Variants in FAM174B observed in about 807,000 individuals in gnomAD.
FAM174B encodes the protein family with sequence similarity 174 member B.
In FAM174B, 12 loss-of-function variants were observed where a neutral mutation model predicts 10.9. That is an observed-to-expected ratio of 1.10 (90% CI 0.71 to 1.79). The LOEUF is 1.79. Ranked by LOEUF, FAM174B falls within the 40% of genes most tolerant of loss-of-function variation. The pLI is 0.00. For missense variants in FAM174B, 266 were observed against 233.3 expected (o/e 1.14, Z -0.91); for synonymous variants, 132 against 115.8 (o/e 1.14, Z -0.90).
chr15:92,654,548 G>A (rs2050987893), intron 1 of FAM174B, among the ~76,000 whole-genome samples: 1 of 152,176 alleles, frequency 6.6e-6, no homozygotes, highest in Non-Finnish European at 1.5e-5. Context: ...CTGAACGTGA[G>A]CAACCTACAA....
At chr15:92,652,020 T>C (rs2050969721) in intron 1 of FAM174B, among the ~76,000 whole-genome samples, 1 of 152,236 alleles carries the variant, frequency 6.6e-6, no homozygotes. Flanking sequence ...TACAAATTCC[T>C]ACCTCGCAGG....
At chr15:92,645,914 C>A (rs942896480) in intron 1 of FAM174B, among the ~76,000 whole-genome samples, 10 of 152,188 alleles carry the variant, frequency 6.6e-5, no homozygotes, top group African/African-American at 2.2e-4. Flanking sequence ...CCACCCAGCC[C>A]CAAGGCCCAG....
Position 92,650,378 on chromosome 15 carries a change from G to A in FAM174B, c.344+4938C>T, listed in dbSNP as rs114378156. 2.5e-3 allele frequency among the ~76,000 whole-genome samples: 377 copies of A among 152,218 alleles called. 2 individuals are homozygous for A. The highest frequency in any genetic ancestry group is 8.4e-3 in the African/African-American group (349 of 41,528). On this transcript the variant is annotated intron_variant, in intron 1 of 2. Transcript: ENST00000327355. ...TTAGAATTCAACCTCCCGATCCCTC[G>A]GGAAGCACCAAAAAGAAGCCTCCTT...
Position 92,655,705 on chromosome 15 carries a change from G to A in FAM174B, c.-46C>T, listed in dbSNP as rs200182901. 1.5e-5 allele frequency: 18 copies of A among 1,227,834 alleles called. No individual in the cohort carries two copies. Among genetic ancestry groups the A allele is most frequent in the Non-Finnish European group, 1.8e-5 (18 of 984,586 alleles). 76.1% of individuals were successfully genotyped at this position (1,227,834 alleles called of 1,614,324 possible). A position where few individuals can be genotyped will look rare whatever the true frequency, so the allele number is the denominator to read the frequency against. On this transcript the variant is annotated 5_prime_UTR_variant, in exon 1 of 3. Transcript: ENST00000327355. ...GATCGGGCAGGGCGCGCGCGGCTGA[G>A]CTCCAGGATCCGCACCAGCACGGAG...
chr15:92,621,087 T>C (rs1243325406), intron 2 of FAM174B, among the ~76,000 whole-genome samples: 4 of 152,188 alleles, frequency 2.6e-5, no homozygotes, highest in East Asian at 1.9e-4. Flanking sequence ...TTTTAGGAAA[T>C]AGATACTTAA....
At chr15:92,639,816 C>A (rs1330194265) in intron 1 of FAM174B, among the ~76,000 whole-genome samples, 2 of 152,182 alleles carry the variant, frequency 1.3e-5, no homozygotes, top group African/African-American at 4.8e-5. Flanking sequence ...CCTTTGCCTT[C>A]CACCATGATT....
intron 1 of FAM174B, among the ~76,000 whole-genome samples, chr15:92,645,796 C>T (rs2050922941): frequency 6.6e-6 from 1 of 152,108 alleles, no homozygotes; most frequent in Non-Finnish European, 1.5e-5. Context: ...GGGCACATGT[C>T]GTAAGGGGCC....
chr15:92,619,333 T>C lies in FAM174B; in HGVS notation c.*123A>G, dbSNP rs777340594. ...CACGCACGATGGAGCTGGGGTTTTA[T>C]ACATAACGTTCGTTTTGGTTTCAAC... On this transcript the variant is annotated 3_prime_UTR_variant, in exon 3 of 3. Coordinates refer to ENST00000327355, the MANE Select transcript of FAM174B (RefSeq NM_207446.3). The C allele has an allele frequency of 1.7e-5, 18 of 1,061,482 alleles. No individual in the cohort carries two copies. In the East Asian group the frequency reaches 3.6e-4, roughly 21 times the overall value. The allele number at this position is 1,061,482 out of a possible 1,614,324, so 65.8% of individuals were successfully genotyped here.
intron 1 of FAM174B, chr15:92,655,110 G>T: frequency 1.8e-6 from 1 of 561,856 alleles, no homozygotes; most frequent in African/African-American, 2.0e-5. Flanking sequence ...AGAGAGGAAA[G>T]AAAATTCCTA....
chr15:92,625,810 C>T (rs1427518845), intron 2 of FAM174B, among the ~76,000 whole-genome samples: 1 of 152,188 alleles, frequency 6.6e-6, no homozygotes, highest in Non-Finnish European at 1.5e-5. Context: ...GAAAAGCCAG[C>T]ACTACTTAGT....
intron 1 of FAM174B, among the ~76,000 whole-genome samples, chr15:92,642,196 C>G (rs2050896343): frequency 6.6e-6 from 1 of 152,104 alleles, no homozygotes; most frequent in African/African-American, 2.4e-5. Context: ...AAATCATAAC[C>G]CTCATACACT....
At chr15:92,625,282 C>G (rs909373971) in intron 2 of FAM174B, among the ~76,000 whole-genome samples, 3 of 152,148 alleles carry the variant, frequency 2.0e-5, no homozygotes, top group Non-Finnish European at 4.4e-5. Flanking sequence ...GGCACAGGCT[C>G]TAAGTCACAA....
intron 2 of FAM174B, among the ~76,000 whole-genome samples, chr15:92,625,379 C>T (rs1237797100): frequency 1.3e-5 from 2 of 152,302 alleles, no homozygotes; most frequent in African/African-American, 2.4e-5. Flanking sequence ...TTCCTCTTTC[C>T]ACCCAATCAC....
At chr15:92,622,366 A>G (rs8027029) in intron 2 of FAM174B, among the ~76,000 whole-genome samples, 86,287 of 152,206 alleles carry the variant, frequency 0.57, 24,488 homozygotes, top group African/African-American at 0.59. Context: ...CCTGGACACC[A>G]GCTCTCTGGG....
chr15:92,622,459 A>C (rs2050726161), intron 2 of FAM174B, among the ~76,000 whole-genome samples: 1 of 152,190 alleles, frequency 6.6e-6, no homozygotes, highest in South Asian at 2.1e-4. Context: ...GGTGACTGGC[A>C]CTCAGGAACA....
At chr15:92,631,915 G>A (rs1218326700) in intron 1 of FAM174B, among the ~76,000 whole-genome samples, 1 of 152,186 alleles carries the variant, frequency 6.6e-6, no homozygotes. Flanking sequence ...CGCCCTATAG[G>A]CCAGCCACGG....
chr15:92,630,728 A>G (rs990645389), intron 1 of FAM174B, among the ~76,000 whole-genome samples: 2 of 128,618 alleles, frequency 1.6e-5, no homozygotes, highest in East Asian at 4.2e-4. Flanking sequence ...TTTTTATATT[A>G]TATAATTATA....
chr15:92,636,635 A>G (rs1347132861), intron 1 of FAM174B, among the ~76,000 whole-genome samples: 1 of 148,208 alleles, frequency 6.7e-6, no homozygotes, highest in Non-Finnish European at 1.5e-5. Flanking sequence ...GATAGGCTGC[A>G]TGGGGCTTGA....
Position 92,655,545 on chromosome 15 carries a change from G to T in FAM174B, c.115C>A (p.Pro39Thr). Residue 39 changes from proline (P) to threonine (T), a missense_variant, in exon 1 of 3, where the codon CCC becomes ACC. Transcript: ENST00000327355. ...AESVSAPWPE[P>T]ERESRPPPGP... is the part of the protein sequence containing the mutation. ...GGCGGTGGCCGCGACTCGCGCTCGG[G>T]TTCGGGCCACGGCGCGGAGACGGAC... The T allele has an allele frequency of 7.0e-7, 1 of 1,426,208 alleles. No individual in the cohort carries two copies. Among genetic ancestry groups the T allele is most frequent in the South Asian group, 1.5e-5 (1 of 65,550 alleles). 88.3% of individuals were successfully genotyped at this position (1,426,208 alleles called of 1,614,324 possible).
Sources: gnomAD v4.1 joint callset for allele counts (sites outside exome capture counted in the v4.1 genomes callset) on GRCh38, gnomAD v4.1.1 for gene constraint, MANE v1.5 for transcripts, NCBI Gene and HGNC (gene_info 2026-07-23, HGNC 2026-07-21) for gene names.